The following ROR1 variants were observed in gnomAD, a reference collection of about 807,000 sequenced individuals.
The protein encoded by ROR1 is inactive tyrosine-protein kinase transmembrane receptor ROR1.
In ROR1, 19 loss-of-function variants were observed where a neutral mutation model predicts 78.8. That is an observed-to-expected ratio of 0.24 (90% CI 0.17 to 0.35). The LOEUF (loss-of-function observed/expected upper bound fraction) is 0.35. ROR1 is among the 10% of genes least tolerant of loss of function. The pLI is 1.00. For missense variants in ROR1, 917 were observed against 1,177.8 expected (o/e 0.78, Z 3.24); for synonymous variants, 386 against 433.6 (o/e 0.89, Z 1.36).
At chr1:64,158,085 C>A (rs975480147) in intron 7 of ROR1, among the ~76,000 whole-genome samples, 4 of 152,090 alleles carry the variant, frequency 2.6e-5, no homozygotes, top group Admixed American at 6.5e-5. Flanking sequence ...ACAATATATG[C>A]CTAAGTATTT....
chr1:63,820,823 G>T (rs1440445749), intron 1 of ROR1, among the ~76,000 whole-genome samples: 13 of 152,092 alleles, frequency 8.5e-5, no homozygotes, highest in Admixed American at 8.5e-4. Context: ...TATTGCTATT[G>T]TGCAGATGGA....
intron 4 of ROR1, among the ~76,000 whole-genome samples, chr1:64,076,629 T>G (rs896186908): frequency 2.6e-5 from 4 of 152,196 alleles, no homozygotes; most frequent in Admixed American, 1.3e-4. Context: ...TGTGGTGTAG[T>G]GGAAGTCCAC....
chr1:63,952,105 A>G (rs900659966), intron 1 of ROR1, among the ~76,000 whole-genome samples: 3 of 152,118 alleles, frequency 2.0e-5, no homozygotes, highest in Non-Finnish European at 2.9e-5. Context: ...AAGGGGGGAT[A>G]TAGGGTTAGG....
intron 1 of ROR1, among the ~76,000 whole-genome samples, chr1:63,783,129 T>C (rs1400432512): frequency 6.6e-6 from 1 of 152,154 alleles, no homozygotes; most frequent in Non-Finnish European, 1.5e-5. Context: ...GGAATGAAGC[T>C]GATCTCCAGG....
chr1:63,957,501 C>G (rs10889457), intron 1 of ROR1, among the ~76,000 whole-genome samples: 40,750 of 152,102 alleles, frequency 0.27, 7,040 homozygotes, highest in African/African-American at 0.49. Flanking sequence ...GAGGACCCCC[C>G]CTTGCATCCT....
chr1:64,033,824 C>G (rs917862388), intron 2 of ROR1, among the ~76,000 whole-genome samples: 2 of 152,182 alleles, frequency 1.3e-5, no homozygotes, highest in Admixed American at 6.5e-5. Context: ...TACACTTTAT[C>G]TCATTTAATC....
At chr1:64,044,649 A>C (rs1212725775) in intron 2 of ROR1, among the ~76,000 whole-genome samples, 4 of 152,186 alleles carry the variant, frequency 2.6e-5, no homozygotes, top group Non-Finnish European at 5.9e-5. Flanking sequence ...CTCAAAGAAA[A>C]GCATTTGAGT....
At chr1:64,160,059 T>G (rs1326115825) in intron 8 of ROR1, among the ~76,000 whole-genome samples, 2 of 150,506 alleles carry the variant, frequency 1.3e-5, no homozygotes, top group Non-Finnish European at 3.0e-5. Context: ...TAACAGCCTG[T>G]TTTTTTTTCT....
intron 1 of ROR1, among the ~76,000 whole-genome samples, chr1:63,786,627 G>T (rs1324006815): frequency 4.0e-5 from 6 of 150,428 alleles, no homozygotes; most frequent in African/African-American, 1.5e-4. Flanking sequence ...GTTGTGTTGG[G>T]GTTAAAACTA....
At chr1:64,167,532 T>C (rs993909493) in intron 8 of ROR1, among the ~76,000 whole-genome samples, 1 of 152,198 alleles carries the variant, frequency 6.6e-6, no homozygotes, top group African/African-American at 2.4e-5. Context: ...CAAAACAAAA[T>C]GGCTGTGGCC....
chr1:64,015,915 A>G (rs1014503228), intron 2 of ROR1, among the ~76,000 whole-genome samples: 27 of 152,204 alleles, frequency 1.8e-4, no homozygotes, highest in Middle Eastern at 6.3e-3. Flanking sequence ...AGTGATATGT[A>G]CTTGAAAGGG....
chr1:64,012,840 A>G (rs889843354), intron 2 of ROR1, among the ~76,000 whole-genome samples: 4 of 152,202 alleles, frequency 2.6e-5, no homozygotes, highest in African/African-American at 9.7e-5. Flanking sequence ...AATCAAAATT[A>G]TATAATTGAA....
At chr1:63,784,892 G>T (rs1267803464) in intron 1 of ROR1, among the ~76,000 whole-genome samples, 1 of 152,210 alleles carries the variant, frequency 6.6e-6, no homozygotes, top group African/African-American at 2.4e-5. Flanking sequence ...GGGCAAAATT[G>T]CTAGTTCTCA....
intron 1 of ROR1, among the ~76,000 whole-genome samples, chr1:63,996,933 A>G (rs964940987): frequency 6.6e-6 from 1 of 152,156 alleles, no homozygotes; most frequent in African/African-American, 2.4e-5. Flanking sequence ...TTCAAGTCCA[A>G]CCAGGGTATG....
At chr1:63,817,794 G>A (rs1352233067) in intron 1 of ROR1, among the ~76,000 whole-genome samples, 2 of 152,138 alleles carry the variant, frequency 1.3e-5, no homozygotes, top group East Asian at 3.9e-4. Flanking sequence ...CTAGACTCTG[G>A]GAGAGTTTTG....
intron 1 of ROR1, among the ~76,000 whole-genome samples, chr1:63,860,772 GA>G (rs1319567628): frequency 0.057 from 6,698 of 116,704 alleles, 350 homozygotes; most frequent in African/African-American, 0.14. Context: ...CTGTCTCGGG[GA>G]AAAAAAAAAA....
intron 4 of ROR1, among the ~76,000 whole-genome samples, chr1:64,064,974 A>G (rs977680540): frequency 1.3e-5 from 2 of 152,226 alleles, no homozygotes; most frequent in African/African-American, 4.8e-5. Flanking sequence ...AAAAATTGAT[A>G]AATCATCATA....
chr1:63,873,429 A>G (rs571260085), intron 1 of ROR1, among the ~76,000 whole-genome samples: 1 of 152,330 alleles, frequency 6.6e-6, no homozygotes, highest in South Asian at 2.1e-4. Context: ...ACCAACAAAC[A>G]AAAACTTGCA....
At chr1:64,097,417 A>G (rs1377742684) in intron 4 of ROR1, among the ~76,000 whole-genome samples, 1 of 152,142 alleles carries the variant, frequency 6.6e-6, no homozygotes, top group East Asian at 1.9e-4. Flanking sequence ...ACTGATCTTA[A>G]TGCCATCTGC....
Sources: gnomAD v4.1 joint callset for allele counts (sites outside exome capture counted in the v4.1 genomes callset) on GRCh38, gnomAD v4.1.1 for gene constraint, MANE v1.5 for transcripts, NCBI Gene and HGNC (gene_info 2026-07-23, HGNC 2026-07-21) for gene names.